Variants in SCGB3A2 observed in about 807,000 individuals in gnomAD.
The protein encoded by SCGB3A2 is secretoglobin family 3A member 2, also known as pneumo secretory protein 1.
SCGB3A2 carries 5 observed loss-of-function variants against 7.7 expected under a neutral mutation model. The ratio of observed to expected loss-of-function variants is 0.65; its 90% CI spans 0.34 to 1.36. SCGB3A2 has a LOEUF of 1.36. Among genes scored for constraint, SCGB3A2 ranks in the 40% most tolerant of loss-of-function variants. The pLI, the probability that SCGB3A2 is intolerant of heterozygous loss-of-function variation, is 0.04. For synonymous variants in SCGB3A2, 44 were observed against 42.7 expected, an observed-to-expected ratio of 1.03 and a Z score of -0.12; for missense variants, 109 against 103.6, an observed-to-expected ratio of 1.05 and a Z score of -0.23.
At chr5:147,880,574 T>C (rs1217155758) in intron 1 of SCGB3A2, among the ~76,000 whole-genome samples, 3 of 152,202 alleles carry the variant, frequency 2.0e-5, no homozygotes, top group Non-Finnish European at 4.4e-5. Context: ...TTCTTTACCT[T>C]ATGATCCTGA....
chr5:147,879,249 C>A (rs932898840), intron 1 of SCGB3A2, among the ~76,000 whole-genome samples: 3 of 152,122 alleles, frequency 2.0e-5, no homozygotes, highest in Non-Finnish European at 2.9e-5. Context: ...TTTATAATTT[C>A]TTTTGTGCTT....
In SCGB3A2 at chr5:147,882,032, G is replaced by T. The variant is rs540096269; in HGVS notation, c.264G>T (p.Ala88=). ...GTTGTCCTTCTACATTTCAGGAGGC[G>T]CTATCACACTTGGTGTGACATCAAG... ...ASEAVKKLLE[A]LSHLV Residue 88 remains alanine (A), a synonymous_variant, in exon 3 of 3, where the codon GCG becomes GCT. Coordinates refer to ENST00000296694, the MANE Select transcript of SCGB3A2 (RefSeq NM_054023.5). The T allele has an allele frequency of 1.8e-5, 29 of 1,613,760 alleles. No individual in the cohort carries two copies. In the Admixed American group the frequency reaches 2.2e-4, roughly 12 times the overall value.
chr5:147,881,754 T>A (rs1260648339), intron 2 of SCGB3A2, 106 bp downstream of exon 2: 2 of 902,306 alleles, frequency 2.2e-6, no homozygotes, highest in African/African-American at 3.4e-5. Context: ...ACTTTACTGA[T>A]TATATTCATA....
Position 147,882,110 on chromosome 5 carries a change from CT to C in SCGB3A2, c.*61del. The C allele has an allele frequency of 6.5e-7, 1 of 1,541,440 alleles. No individual in the cohort carries two copies. The highest frequency in any genetic ancestry group is 9.0e-7 in the Non-Finnish European group (1 of 1,114,314). ...AAGATGATGCTCCTATCCTCCCTGC[CT>C]GAAACCTGTTCTACCAATTATAGAT... On this transcript the variant is annotated 3_prime_UTR_variant, in exon 3 of 3. Transcript: ENST00000296694.
chr5:147,880,485 G>A (rs1018721298), intron 1 of SCGB3A2, among the ~76,000 whole-genome samples: 68 of 152,132 alleles, frequency 4.5e-4, no homozygotes, highest in African/African-American at 1.6e-3. Context: ...CTGGGCAGAA[G>A]GCTCACCATC....
rs141389076 is a variant in SCGB3A2 at position 147,878,775 on chromosome 5, ACTC to A, written c.-26_-24del. 2.1e-4 allele frequency: 343 copies of A among 1,597,396 alleles called. 1 individual carries two copies. The African/African-American group carries it at 4.1e-3, about 19-fold the overall frequency. ...TTTGCTAGATTTTTCTGATTTTTAA[ACTC>A]CTGAAAAATATCCCAGATAACTGTC... On this transcript the variant is annotated 5_prime_UTR_variant, in exon 1 of 3. Coordinates refer to ENST00000296694, the MANE Select transcript of SCGB3A2 (RefSeq NM_054023.5).
chr5:147,881,684 G>C, intron 2 of SCGB3A2, 36 bp downstream of exon 2: 1 of 1,532,272 alleles, frequency 6.5e-7, no homozygotes, highest in Non-Finnish European at 9.0e-7. Context: ...TGCCAAAGGG[G>C]AGGCATACTC....
chr5:147,881,504 T>C lies in SCGB3A2; in HGVS notation c.114T>C (p.Pro38=). 1 of 1,614,080 alleles carries C rather than the reference T, an allele frequency of 6.2e-7. No individual in the cohort carries two copies. Among genetic ancestry groups the C allele is most frequent in the East Asian group, 2.2e-5 (1 of 44,876 alleles). Residue 38 remains proline, a synonymous_variant, in exon 2 of 3, where the codon CCT becomes CCC. Transcript: ENST00000296694. Reference sequence around the variant, plus strand: ...CTGTTGACAAGTTGGCACCTTTACCTCTGGACAACATTCTTCCCTTTATGG... The same window carrying C: ...CTGTTGACAAGTTGGCACCTTTACCCCTGGACAACATTCTTCCCTTTATGG... The part of the protein sequence containing the change: ...PLPVDKLAPL[P]LDNILPFMDP...
At chr5:147,880,154 T>G (rs1227550990) in intron 1 of SCGB3A2, among the ~76,000 whole-genome samples, 1 of 152,206 alleles carries the variant, frequency 6.6e-6, no homozygotes, top group Admixed American at 6.5e-5. Flanking sequence ...CTTACGTGTG[T>G]GCTCACATGC....
intron 1 of SCGB3A2, among the ~76,000 whole-genome samples, 176 bp from the exon 2 acceptor site, chr5:147,881,269 GA>G (rs991184983): frequency 1.3e-5 from 2 of 152,090 alleles, no homozygotes; most frequent in Non-Finnish European, 2.9e-5. Context: ...GCTAGCTAAG[GA>G]AAAAAAGTTC....
intron 1 of SCGB3A2, 33 bp from the exon 2 acceptor site, chr5:147,881,413 G>A: frequency 1.3e-6 from 2 of 1,556,618 alleles, no homozygotes; most frequent in Non-Finnish European, 1.8e-6. Flanking sequence ...GCCCAGATGT[G>A]CCTGTCTCAC....
intron 2 of SCGB3A2, 69 bp downstream of exon 2, chr5:147,881,717 T>A (rs1757351942): frequency 1.7e-6 from 2 of 1,212,090 alleles, no homozygotes; most frequent in Admixed American, 4.4e-5. Flanking sequence ...TAGCTCCTCT[T>A]CTTGTCCCTT....
rs746750493 is a variant in SCGB3A2 at position 147,881,471 on chromosome 5, GC to G, written c.85del (p.Leu29PhefsTer21). The part of the protein sequence containing the change: ...SATAFLINKV[P>X]LPVDKLAPLP... ...CTACTGCCTTCCTCATCAACAAAGT[GC>G]CCCTTCCTGTTGACAAGTTGGCACC... On this transcript the variant is annotated frameshift_variant, in exon 2 of 3. Transcript: ENST00000296694. LOFTEE classifies it high-confidence loss of function. 2.2e-5 allele frequency: 36 copies of G among 1,613,934 alleles called. No individual in the cohort carries two copies. Among genetic ancestry groups the G allele is most frequent in the Non-Finnish European group, 3.0e-5 (35 of 1,179,904 alleles).
chr5:147,881,122 C>A, intron 1 of SCGB3A2: 1 of 275,594 alleles, frequency 3.6e-6, no homozygotes. Context: ...ACAATAAAAA[C>A]AGCAAATGAA....
Position 147,878,981 on chromosome 5 carries a change from T to A in SCGB3A2, c.55+123T>A, listed in dbSNP as rs536852893. 9,080 of 698,886 alleles carry A rather than the reference T, an allele frequency of 0.013. 602 individuals carry two copies. In the African/African-American group the frequency reaches 0.14, roughly 11 times the overall value. 43.3% of individuals were successfully genotyped at this position (698,886 alleles called of 1,614,324 possible). A position where few individuals can be genotyped will look rare whatever the true frequency, so the allele number is the denominator to read the frequency against. On this transcript the variant is annotated intron_variant, in intron 1 of 2. Coordinates refer to ENST00000296694, the MANE Select transcript of SCGB3A2 (RefSeq NM_054023.5). The stretch of plus-strand genomic sequence containing the variant: ...TGGTGGTAGGAATTGTATTTTTTTT[T>A]ATTTTACTTTTAACTGACACATAAT...
In SCGB3A2 at chr5:147,881,557, T is replaced by C; in HGVS notation, c.167T>C (p.Leu56Pro). 2 of 1,614,062 alleles carry C rather than the reference T, an allele frequency of 1.2e-6. No individual in the cohort carries two copies. The highest frequency in any genetic ancestry group is 1.7e-6 in the Non-Finnish European group (2 of 1,179,940). Residue 56 changes from leucine (L) to proline (P), a missense_variant, in exon 2 of 3, where the codon CTG becomes CCG. By Grantham distance (98) the Leu-to-Pro change is moderately conservative. Coordinates refer to ENST00000296694, the MANE Select transcript of SCGB3A2 (RefSeq NM_054023.5). ...CCATTAAAGCTTCTTCTGAAAACTC[T>C]GGGCATTTCTGTTGAGCACCTTGTG... ...MDPLKLLLKT[L>P]GISVEHLVEG...
At chr5:147,881,734 G>A in intron 2 of SCGB3A2, 86 bp downstream of exon 2, 1 of 1,042,442 alleles carries the variant, frequency 9.6e-7, no homozygotes, top group South Asian at 1.6e-5. Flanking sequence ...CCTTGTAAAT[G>A]TGCATTTCCA....
intron 1 of SCGB3A2, 84 bp downstream of exon 1, chr5:147,878,942 C>A: frequency 1.1e-6 from 1 of 910,064 alleles, no homozygotes; most frequent in Non-Finnish European, 1.8e-6. Flanking sequence ...CCTTGCCTCA[C>A]TGACAGTGGA....
intron 1 of SCGB3A2, among the ~76,000 whole-genome samples, chr5:147,879,502 CTACTG>C (rs1757312664): frequency 6.6e-6 from 1 of 152,184 alleles, no homozygotes; most frequent in African/African-American, 2.4e-5. Context: ...TAATTCTAGA[CTACTG>C]TAAACGTACT....
Sources: gnomAD v4.1 joint callset for allele counts (sites outside exome capture counted in the v4.1 genomes callset) on GRCh38, gnomAD v4.1.1 for gene constraint, MANE v1.5 for transcripts, NCBI Gene and HGNC (gene_info 2026-07-23, HGNC 2026-07-21) for gene names.